The following SYNPR variants were observed in gnomAD, a reference collection of about 807,000 sequenced individuals.
The protein encoded by SYNPR is synaptoporin.
A neutral mutation model predicts 32.9 loss-of-function variants in SYNPR; 23 were observed. The observed-to-expected ratio is 0.70, with a 90% CI of 0.50 to 0.99. The LOEUF is 0.99. Among genes scored for constraint, SYNPR ranks in the 50% least tolerant of loss-of-function variants. The probability of loss-of-function intolerance (pLI) is 0.00; values close to 1 mark genes in which losing one functional copy is unlikely to be tolerated. For synonymous variants in SYNPR, 146 were observed against 135.9 expected (o/e 1.07, Z -0.52); for missense variants, 318 against 349.3 (o/e 0.91, Z 0.71).
At chr3:63,569,196 T>C (rs143897167) in intron 4 of SYNPR, among the ~76,000 whole-genome samples, 3 of 152,338 alleles carry the variant, frequency 2.0e-5, no homozygotes, top group Non-Finnish European at 1.5e-5. Flanking sequence ...CTTCGAATTT[T>C]ACATGGCTTT....
At chr3:63,541,623 C>T (rs1047172743) in intron 3 of SYNPR, among the ~76,000 whole-genome samples, 8 of 151,984 alleles carry the variant, frequency 5.3e-5, no homozygotes, top group African/African-American at 1.9e-4. Context: ...TAATATAATC[C>T]TCTTTTTATA....
chr3:63,361,984 T>C (rs1010298382), intron 2 of SYNPR, among the ~76,000 whole-genome samples: 3 of 152,242 alleles, frequency 2.0e-5, no homozygotes, highest in Admixed American at 6.5e-5. Flanking sequence ...TAATTAATTA[T>C]AGAAGGAATT....
chr3:63,377,942 A>T, intron 2 of SYNPR, among the ~76,000 whole-genome samples: 1 of 151,998 alleles, frequency 6.6e-6, no homozygotes. Context: ...TGGTTCAGAA[A>T]GTAAAGAATA....
intron 4 of SYNPR, among the ~76,000 whole-genome samples, chr3:63,586,609 T>A (rs931417953): frequency 6.6e-5 from 10 of 151,556 alleles, no homozygotes; most frequent in African/African-American, 2.2e-4. Flanking sequence ...CCTTTAAGCG[T>A]CTCTACCAAA....
chr3:63,331,397 G>A (rs2087228385), intron 2 of SYNPR, among the ~76,000 whole-genome samples: 1 of 152,166 alleles, frequency 6.6e-6, no homozygotes, highest in East Asian at 1.9e-4. Flanking sequence ...AGCAAGTGCA[G>A]TCTTTAGAAT....
At chr3:63,394,942 G>A (rs946181936) in intron 2 of SYNPR, among the ~76,000 whole-genome samples, 4 of 152,090 alleles carry the variant, frequency 2.6e-5, no homozygotes, top group Admixed American at 6.5e-5. Flanking sequence ...GAAATCTTCA[G>A]TATAAACAGA....
chr3:63,300,457 A>G (rs569693549), intron 2 of SYNPR, among the ~76,000 whole-genome samples: 22 of 152,116 alleles, frequency 1.4e-4, no homozygotes, highest in African/African-American at 5.1e-4. Context: ...GATATGCTTT[A>G]AGGATAAAAT....
chr3:63,267,070 T>C (rs4688383), intron 2 of SYNPR, among the ~76,000 whole-genome samples: 117,112 of 152,056 alleles, frequency 0.77, 46,032 homozygotes, highest in Middle Eastern at 0.85. Flanking sequence ...TGCAAAGTTA[T>C]AGAAGTGCAC....
chr3:63,393,496 C>CTTTTTTTTTTT (rs71631152), intron 2 of SYNPR, among the ~76,000 whole-genome samples: 69 of 84,486 alleles, frequency 8.2e-4, no homozygotes, highest in East Asian at 3.2e-3. Context: ...TCTTTCTTCT[C>CTTTTTTTTTTT]TTTTTTTTTT....
intron 2 of SYNPR, among the ~76,000 whole-genome samples, chr3:63,463,370 T>G (rs930577894): frequency 1.3e-5 from 2 of 152,142 alleles, no homozygotes; most frequent in Non-Finnish European, 2.9e-5. Flanking sequence ...ACCTGATTTA[T>G]GGTAAATATC....
chr3:63,219,465 A>G, the SYNPR span, among the ~76,000 whole-genome samples: 1 of 152,182 alleles, frequency 6.6e-6, no homozygotes, highest in Non-Finnish European at 1.5e-5. Flanking sequence ...AAGTAAGTAC[A>G]AACAGAAATA....
intron 1 of SYNPR, among the ~76,000 whole-genome samples, chr3:63,251,900 G>C (rs574073243): frequency 6.6e-6 from 1 of 152,076 alleles, no homozygotes; most frequent in Admixed American, 6.6e-5. Flanking sequence ...GACTACTCAG[G>C]AGAATAGAAT....
rs150138007 is a variant in SYNPR at position 63,365,681 on chromosome 3, T to C, written c.84+86939T>C. On this transcript the variant is annotated intron_variant, in intron 2 of 5. Transcript: ENST00000478300. ...ATATATTCAGTTCTCTTTTCGTTAA[T>C]TTGAGGAAAAGAATGTTATCCAGGG... Among the ~76,000 whole-genome samples the C allele has an allele frequency of 8.5e-3, 1,287 of 152,288 alleles. 10 individuals are homozygous for C. Among genetic ancestry groups the C allele is most frequent in the Middle Eastern group, 0.017 (5 of 294 alleles).
At chr3:63,205,723 G>T in the SYNPR span, among the ~76,000 whole-genome samples, 2 of 152,186 alleles carry the variant, frequency 1.3e-5, no homozygotes, top group African/African-American at 4.8e-5. Context: ...TGTGAAACTG[G>T]CTTCATATTT....
At chr3:63,507,401 T>C (rs1701610196) in intron 3 of SYNPR, among the ~76,000 whole-genome samples, 1 of 152,104 alleles carries the variant, frequency 6.6e-6, no homozygotes, top group African/African-American at 2.4e-5. Context: ...ACAAATCATA[T>C]TGAGAGATAT....
chr3:63,398,757 T>G (rs909342051), intron 2 of SYNPR, among the ~76,000 whole-genome samples: 5 of 151,576 alleles, frequency 3.3e-5, no homozygotes, highest in African/African-American at 1.2e-4. Flanking sequence ...CAGAGGAATG[T>G]ATTCAGAAGA....
At chr3:63,456,427 C>A (rs1056651922) in intron 2 of SYNPR, among the ~76,000 whole-genome samples, 2 of 152,032 alleles carry the variant, frequency 1.3e-5, no homozygotes, top group East Asian at 3.9e-4. Context: ...TGAAATTGGT[C>A]ATAAGGATAT....
intron 2 of SYNPR, among the ~76,000 whole-genome samples, chr3:63,393,292 G>A (rs1463037556): frequency 2.0e-5 from 3 of 152,094 alleles, no homozygotes; most frequent in Non-Finnish European, 4.4e-5. Context: ...CATTGTGCAT[G>A]TATGTGAGGG....
At chr3:63,446,616 A>G (rs1200004031) in intron 2 of SYNPR, among the ~76,000 whole-genome samples, 3 of 152,234 alleles carry the variant, frequency 2.0e-5, no homozygotes, top group African/African-American at 7.2e-5. Context: ...CATTCTAGTC[A>G]TAAAGTGAGC....
Sources: gnomAD v4.1 joint callset for allele counts (sites outside exome capture counted in the v4.1 genomes callset) on GRCh38, gnomAD v4.1.1 for gene constraint, MANE v1.5 for transcripts, NCBI Gene and HGNC (gene_info 2026-07-23, HGNC 2026-07-21) for gene names.